Variants in STIM2 observed in about 807,000 individuals in gnomAD.
STIM2 encodes stromal interaction molecule 2.
A neutral mutation model predicts 85.8 loss-of-function variants in STIM2; 31 were observed. The ratio of observed to expected loss-of-function variants is 0.36; its 90% confidence interval spans 0.27 to 0.49. The LOEUF (loss-of-function observed/expected upper bound fraction) is 0.49. STIM2 is among the 20% of genes least tolerant of loss of function. The probability of loss-of-function intolerance (pLI) is 0.98; values close to 1 mark genes in which losing one functional copy is unlikely to be tolerated. For missense variants in STIM2, 841 were observed against 927.6 expected, an observed-to-expected ratio of 0.91 and a Z score of 1.21; for synonymous variants, 356 against 331.1, an observed-to-expected ratio of 1.08 and a Z score of -0.82.
chr4:26,952,599 T>TA (rs1726099790), intron 2 of STIM2, among the ~76,000 whole-genome samples: 1 of 152,108 alleles, frequency 6.6e-6, no homozygotes, highest in Non-Finnish European at 1.5e-5. Context: ...TCAAGTAACT[T>TA]ACTACAGTCA....
chr4:26,968,120 A>G (rs1726799419), intron 3 of STIM2, among the ~76,000 whole-genome samples: 1 of 152,118 alleles, frequency 6.6e-6, no homozygotes, highest in Non-Finnish European at 1.5e-5. Context: ...GCAGTGAGCC[A>G]TGTTTGTGCC....
chr4:26,990,351 G>A (rs1727722951), intron 3 of STIM2, among the ~76,000 whole-genome samples: 1 of 152,138 alleles, frequency 6.6e-6, no homozygotes, highest in Admixed American at 6.6e-5. Flanking sequence ...AATGTGCATT[G>A]GGGAAGGAAT....
At chr4:26,894,668 T>C (rs546076719) in intron 1 of STIM2, among the ~76,000 whole-genome samples, 1 of 152,338 alleles carries the variant, frequency 6.6e-6, no homozygotes, top group East Asian at 1.9e-4. Context: ...ATTTTTCTGT[T>C]GCTTTGACAA....
In STIM2 at chr4:26,985,436, C is replaced by A. The variant is rs149244299; in HGVS notation, c.398-9943C>A. Among the ~76,000 whole-genome samples the A allele has an allele frequency of 3.2e-3, 492 of 152,252 alleles. 8 individuals are homozygous for A. In the East Asian group the frequency reaches 0.033, roughly 10 times the overall value. ...TTTAAAAGTAGTCAATACTGGTGTA[C>A]ACCTGTGTTGTTTTAGAATATGGTA... On this transcript the variant is annotated intron_variant, in intron 3 of 11. Coordinates refer to ENST00000467087, the MANE Select transcript of STIM2 (RefSeq NM_020860.4).
In STIM2 at chr4:26,861,245, C is replaced by T. The variant is rs757545465; in HGVS notation, c.27C>T (p.Ala9=). 3 of 1,487,028 alleles carry T rather than the reference C, an allele frequency of 2.0e-6. No individual in the cohort carries two copies. Among genetic ancestry groups the T allele is most frequent in the Non-Finnish European group, 1.8e-6 (2 of 1,125,394 alleles). 92.1% of individuals were successfully genotyped at this position (1,487,028 alleles called of 1,614,324 possible). ...TGCTGGTGCTCGGGCTGCTGGTAGC[C>T]GGAGCGGCGGACGGATGCGAGCTTG... is the stretch of plus-strand genomic sequence containing the variant. The change falls in exon 1 of 12, where the codon GCC becomes GCT. Residue 9 remains alanine (A), a synonymous_variant. Transcript: ENST00000467087.
intron 11 of STIM2, chr4:27,019,595 G>T: frequency 2.3e-6 from 2 of 858,718 alleles, no homozygotes; most frequent in Non-Finnish European, 3.3e-6. Flanking sequence ...ATTTGAATTT[G>T]GAAAACTTTT....
intron 7 of STIM2, among the ~76,000 whole-genome samples, chr4:27,005,000 A>G (rs1259250031): frequency 6.6e-6 from 1 of 152,208 alleles, no homozygotes; most frequent in Admixed American, 6.5e-5. Flanking sequence ...TTACACAGCT[A>G]TTAACTGGTA....
chr4:27,018,241 T>A (rs1206188027), intron 11 of STIM2, among the ~76,000 whole-genome samples: 1 of 152,168 alleles, frequency 6.6e-6, no homozygotes, highest in East Asian at 1.9e-4. Context: ...TGCATTCTCA[T>A]CTGGAGCTTG....
intron 3 of STIM2, among the ~76,000 whole-genome samples, chr4:26,988,840 T>C (rs1298810278): frequency 6.6e-6 from 1 of 152,226 alleles, no homozygotes; most frequent in Admixed American, 6.5e-5. Context: ...CAGTATTCTG[T>C]AATCTACTGT....
At chr4:26,970,199 GTATATATATATATATATA>G (rs67648567) in intron 3 of STIM2, among the ~76,000 whole-genome samples, 70 of 91,128 alleles carry the variant, frequency 7.7e-4, no homozygotes, top group Admixed American at 1.6e-3. Flanking sequence ...TAGTGTGTGT[GTATATATATATATATATA>G]TATATGTATA....
intron 2 of STIM2, among the ~76,000 whole-genome samples, chr4:26,922,516 A>G (rs183804187): frequency 1.3e-5 from 2 of 152,298 alleles, no homozygotes; most frequent in African/African-American, 4.8e-5. Flanking sequence ...ATTTTAAAGT[A>G]TACAACTCAG....
At chr4:26,981,556 C>T (rs75225348) in intron 3 of STIM2, among the ~76,000 whole-genome samples, 2,625 of 152,198 alleles carry the variant, frequency 0.017, 81 homozygotes, top group African/African-American at 0.06. Flanking sequence ...AGATACCCTC[C>T]GCTCCCCTTC....
At chr4:26,861,405 G>A (rs957936788) in intron 1 of STIM2, 36 bp downstream of exon 1, 44 of 1,282,370 alleles carry the variant, frequency 3.4e-5, no homozygotes, top group Non-Finnish European at 4.1e-5. Flanking sequence ...GGGCTCGGCC[G>A]GCAGCGATGG....
chr4:26,902,524 A>G (rs1239640070), intron 1 of STIM2, among the ~76,000 whole-genome samples: 1 of 152,198 alleles, frequency 6.6e-6, no homozygotes, highest in Non-Finnish European at 1.5e-5. Flanking sequence ...GTAATAATGG[A>G]ATAAGACTTT....
rs1166007773 is a variant in STIM2 at position 26,995,399 on chromosome 4, G to T, written c.418G>T (p.Asp140Tyr). ...TGCAGTTCATAATTGGACCCTTGAA[G>T]ACACTCTTCAGTGGTTGATAGAGTT... The change falls in exon 4 of 12, where the codon GAC becomes TAC. Residue 140 changes from aspartate to tyrosine, a missense_variant. Coordinates refer to ENST00000467087, the MANE Select transcript of STIM2 (RefSeq NM_020860.4). 6.3e-7 allele frequency: 1 copy of T among 1,587,576 alleles called. No individual in the cohort carries two copies. Among genetic ancestry groups the T allele is most frequent in the South Asian group, 1.2e-5 (1 of 86,892 alleles).
intron 1 of STIM2, among the ~76,000 whole-genome samples, chr4:26,919,083 G>C (rs1263818892): frequency 6.7e-6 from 1 of 149,866 alleles, no homozygotes; most frequent in Non-Finnish European, 1.5e-5. Context: ...TGATTAAACT[G>C]GATTGTGCAA....
intron 3 of STIM2, among the ~76,000 whole-genome samples, chr4:26,965,963 C>T (rs1250725186): frequency 1.3e-5 from 2 of 152,050 alleles, no homozygotes; most frequent in African/African-American, 2.4e-5. Context: ...ACAGGTTTTC[C>T]AGTATATAAT....
intron 11 of STIM2, 143 bp downstream of exon 11, chr4:27,018,127 C>A: frequency 8.1e-7 from 1 of 1,234,062 alleles, no homozygotes; most frequent in Non-Finnish European, 1.1e-6. Context: ...TCAGACATCA[C>A]CCATTTTTTA....
At chr4:26,994,698 C>T (rs1727892931) in intron 3 of STIM2, among the ~76,000 whole-genome samples, 1 of 152,130 alleles carries the variant, frequency 6.6e-6, no homozygotes, top group African/African-American at 2.4e-5. Context: ...TTCTGCCAGT[C>T]TCTCAAACAC....
Sources: allele counts gnomAD v4.1 joint callset (sites outside exome capture counted in the v4.1 genomes callset), GRCh38; gene constraint gnomAD v4.1.1; transcripts MANE v1.5; gene names NCBI Gene and HGNC (gene_info 2026-07-23, HGNC 2026-07-21).